Variants in ADAMTSL4 observed in about 807,000 individuals in gnomAD.
ADAMTSL4 encodes ADAMTS-like protein 4.
ADAMTSL4 carries 97 observed loss-of-function variants against 122.8 expected under a neutral mutation model. That is an observed-to-expected ratio of 0.79 (90% CI 0.67 to 0.93). The LOEUF is 0.93. Among genes scored for constraint, ADAMTSL4 ranks in the 40% least tolerant of loss-of-function variants. The pLI is 0.00. For missense variants in ADAMTSL4, 1,408 were observed against 1,453.5 expected (o/e 0.97, Z 0.51); for synonymous variants, 592 against 568.0 (o/e 1.04, Z -0.60).
chr1:150,559,768 GC>G lies in ADAMTSL4; in HGVS notation c.2952del (p.Ser985ProfsTer14), dbSNP rs1388569207. ...TGGCTGGGGTCGCCCCAGTGTTCTC[GC>G]TCCTGCCAAGGGGGAACGCAGACAC... ...WFSTPWSPCS[R>X]SCQGGTQTRE... On this transcript the variant is annotated frameshift_variant, in exon 18 of 19. Coordinates refer to ENST00000271643, the MANE Select transcript of ADAMTSL4 (RefSeq NM_019032.6). LOFTEE classifies it high-confidence loss of function. This position sits in a 1 kb window ranked among gnomAD's most constrained non-coding sequence, Gnocchi z 4.1. 5 of 1,613,866 alleles carry G rather than the reference GC, an allele frequency of 3.1e-6. No individual in the cohort carries two copies. Among genetic ancestry groups the G allele is most frequent in the Middle Eastern group, 1.6e-4 (1 of 6,062 alleles).
rs771318271 is a variant in ADAMTSL4, at chr1:150,559,394, CAGGCCCCCTGCCCTGCAGCCCTGTCA to C, written c.2875_2900del (p.Pro959AlafsTer54). 5 of 1,613,778 alleles carry C rather than the reference CAGGCCCCCTGCCCTGCAGCCCTGTCA, an allele frequency of 3.1e-6. No individual in the cohort carries two copies. The highest frequency in any genetic ancestry group is 4.2e-6 in the Non-Finnish European group (5 of 1,180,012). Reference sequence around the variant, plus strand: ...CTCCGAGCAACTGTTCTCACCTCCCCAGGCCCCCTGCCCTGCAGCCCTGTCAAGGGCAGGCCTGCCAGGACCGATGG... The same window carrying C: ...CTCCGAGCAACTGTTCTCACCTCCCCAGGGCAGGCCTGCCAGGACCGATGG... On this transcript the variant is annotated frameshift_variant, in exon 17 of 19. Transcript: ENST00000271643. LOFTEE classifies it high-confidence loss of function. This position sits in a 1 kb window ranked among gnomAD's most constrained non-coding sequence, Gnocchi z 4.1.
At position 150,554,780 on chromosome 1, in the gene ADAMTSL4, C is replaced by G; in HGVS notation, c.1234+313C>G. The G allele has an allele frequency of 7.4e-6, 7 of 952,338 alleles. No individual in the cohort carries two copies. Among genetic ancestry groups the G allele is most frequent in the Non-Finnish European group, 1.1e-5 (7 of 648,788 alleles). 59.0% of individuals were successfully genotyped at this position (952,338 alleles called of 1,614,324 possible). A position where few individuals can be genotyped will look rare whatever the true frequency, so the allele number is the denominator to read the frequency against. On this transcript the variant is annotated intron_variant, in intron 7 of 18. Coordinates refer to ENST00000271643, the MANE Select transcript of ADAMTSL4 (RefSeq NM_019032.6). This position sits in a 1 kb window ranked among gnomAD's most constrained non-coding sequence, Gnocchi z 4.0. ...TGGGAGAGATCCTGTCCAGCCGTGA[C>G]AGCCAGGTGGGGGTGTGCCACGCAT...
At position 150,554,314 on chromosome 1, in the gene ADAMTSL4, CT is replaced by C. The variant is rs1671772903; in HGVS notation, c.1132-50del. The C allele has an allele frequency of 7.0e-6, 11 of 1,576,608 alleles. 1 individual carries two copies. The Middle Eastern group carries it at 1.3e-3, about 193-fold the overall frequency. ...CTGCTCCCCAGGTTCAGCCCTGCCC[CT>C]ACCCTCATTTTGCTCCCCAGCTCTG... On this transcript the variant is annotated intron_variant, in intron 6 of 18. Transcript: ENST00000271643. The surrounding 1 kb of genome is among the most constrained non-coding windows in gnomAD (Gnocchi z 4.0).
In ADAMTSL4 at chr1:150,559,211, G is replaced by T. The variant is rs1672541313; in HGVS notation, c.2763+46G>T. 1 of 1,612,262 alleles carries T rather than the reference G, an allele frequency of 6.2e-7. No individual in the cohort carries two copies. The highest frequency in any genetic ancestry group is 1.3e-5 in the African/African-American group (1 of 74,884). ...GAGCAGGAAGGGGGTGCCAGTCCCA[G>T]TGGGATTCCTTGTGGGCACTTGGGG... On this transcript the variant is annotated intron_variant, in intron 16 of 18. Coordinates refer to ENST00000271643, the MANE Select transcript of ADAMTSL4 (RefSeq NM_019032.6). This position sits in a 1 kb window ranked among gnomAD's most constrained non-coding sequence, Gnocchi z 4.1.
At chr1:150,551,134 C>G (rs1199367252) in intron 2 of ADAMTSL4, 3 of 385,596 alleles carry the variant, frequency 7.8e-6, no homozygotes, top group East Asian at 1.5e-4. Flanking sequence ...GTGTTCAAAG[C>G]TGAACTTCAG....
chr1:150,553,366 TG>T, intron 5 of ADAMTSL4, 59 bp from the exon 6 acceptor site: 1 of 1,608,458 alleles, frequency 6.2e-7, no homozygotes, highest in Non-Finnish European at 8.5e-7. Context: ...GGAAGTAAAC[TG>T]GGGAAACAGG....
In ADAMTSL4 at chr1:150,556,484, G is replaced by A; in HGVS notation, c.1576+118G>A. ...TCCAGGGCCTAGCCCCTCCCCTCGT[G>A]GAAGGAGTGAGGAAGCTGAGAGGGC... On this transcript the variant is annotated intron_variant, in intron 9 of 18. Transcript: ENST00000271643. This position sits in a 1 kb window ranked among gnomAD's most constrained non-coding sequence, Gnocchi z 4.1. The A allele has an allele frequency of 2.6e-6, 4 of 1,565,860 alleles. No homozygotes were observed. Among genetic ancestry groups the A allele is most frequent in the Non-Finnish European group, 3.5e-6 (4 of 1,141,808 alleles).
chr1:150,552,790 G>T lies in ADAMTSL4; in HGVS notation c.79-108G>T. On this transcript the variant is annotated intron_variant, in intron 4 of 18. Transcript: ENST00000271643. This position sits in a 1 kb window ranked among gnomAD's most constrained non-coding sequence, Gnocchi z 4.0. The stretch of plus-strand genomic sequence containing the variant: ...TAGTTCTCCCTCTGCTGCTGAATGT[G>T]ACCTTGGACTGGTAGCGACTCCGTG... The T allele has an allele frequency of 7.5e-7, 1 of 1,341,288 alleles. No individual in the cohort carries two copies. The highest frequency in any genetic ancestry group is 1.1e-6 in the Non-Finnish European group (1 of 943,632). The allele number at this position is 1,341,288 out of a possible 1,614,324, so 83.1% of individuals were successfully genotyped here.
In ADAMTSL4 at chr1:150,552,747, C is replaced by A. The variant is rs1349014710; in HGVS notation, c.78+147C>A. On this transcript the variant is annotated intron_variant, in intron 4 of 18. Transcript: ENST00000271643. The surrounding 1 kb of genome is among the most constrained non-coding windows in gnomAD (Gnocchi z 4.0). ...AACTCCCCAGTTCCTTGCCTCATAA[C>A]ACCAAGAGGCCGAGGTGTAGTTCTC... 5 of 1,285,124 alleles carry A rather than the reference C, an allele frequency of 3.9e-6. No homozygotes were observed. Among genetic ancestry groups the A allele is most frequent in the Non-Finnish European group, 5.5e-6 (5 of 905,068 alleles). The allele number at this position is 1,285,124 out of a possible 1,614,324, so 79.6% of individuals were successfully genotyped here. A position where few individuals can be genotyped will look rare whatever the true frequency, so the allele number is the denominator to read the frequency against.
chr1:150,559,352 G>A lies in ADAMTSL4; in HGVS notation c.2829G>A (p.Thr943=), dbSNP rs76546607. The A allele has an allele frequency of 2.0e-3, 3,254 of 1,613,988 alleles. 9 individuals are homozygous for A. The highest frequency in any genetic ancestry group is 2.1e-3 in the Non-Finnish European group (2,493 of 1,179,994). ...RDIICVSKLG[T]EFNVTSPSNC... is the part of the protein sequence containing the mutation. ...TCATCTGTGTATCCAAACTGGGGAC[G>A]GAGTTCAACGTGACTTCTCCGAGCA... The change falls in exon 17 of 19, where the codon ACG becomes ACA. Residue 943 remains threonine, a synonymous_variant. Transcript: ENST00000271643. This position sits in a 1 kb window ranked among gnomAD's most constrained non-coding sequence, Gnocchi z 4.1.
Position 150,560,110 on chromosome 1 carries a change from C to G in ADAMTSL4, c.3139C>G (p.Arg1047Gly). The G allele has an allele frequency of 6.2e-7, 1 of 1,614,084 alleles. No individual in the cohort carries two copies. Among genetic ancestry groups the G allele is most frequent in the South Asian group, 1.1e-5 (1 of 91,080 alleles). Residue 1047 changes from arginine (R) to glycine (G), a missense_variant, in exon 19 of 19, where the codon CGG (arginine) becomes GGG (glycine). Physicochemically the swap from Arg to Gly is moderately radical, Grantham distance 125. Transcript: ENST00000271643. ...SPHCPLVVQA[R>G]LCVYPYYTAT... ...ACATTGCCCCCTGGTGGTACAGGCCCGGCTCTGCGTCTACCCCTACTACAC... is the reference window on the plus strand; with the variant it reads ...ACATTGCCCCCTGGTGGTACAGGCCGGGCTCTGCGTCTACCCCTACTACAC...
At position 150,552,492 on chromosome 1, in the gene ADAMTSL4, C is replaced by T. The variant is rs758984612; in HGVS notation, c.21-51C>T. Reference sequence around the variant, plus strand: ...CTGGGGGCGGAGGGCAGTGTTGCAACACCCCCTCTGGCTCCAGTCTGACGT... The same window carrying T: ...CTGGGGGCGGAGGGCAGTGTTGCAATACCCCCTCTGGCTCCAGTCTGACGT... On this transcript the variant is annotated intron_variant, in intron 3 of 18. Transcript: ENST00000271643. This position sits in a 1 kb window ranked among gnomAD's most constrained non-coding sequence, Gnocchi z 4.0. 8.2e-5 allele frequency: 132 copies of T among 1,611,340 alleles called. No individual in the cohort carries two copies. The highest frequency in any genetic ancestry group is 1.1e-4 in the Non-Finnish European group (128 of 1,177,652).
rs370147831 is a variant in ADAMTSL4 at position 150,557,250 on chromosome 1, G to A, written c.1962G>A (p.Pro654=). 4.8e-5 allele frequency: 62 copies of A among 1,285,656 alleles called. No homozygotes were observed. The highest frequency in any genetic ancestry group is 2.3e-4 in the Middle Eastern group (1 of 4,362). The allele number at this position is 1,285,656 out of a possible 1,614,324, so 79.6% of individuals were successfully genotyped here. ...RQVRIPQMPA[P]PHPRTPLGSP... is the part of the protein sequence containing the mutation. ...TGCGGATCCCCCAGATGCCCGCCCC[G>A]CCCCATCCCAGGACACCCCTGGGGT... The change falls in exon 12 of 19, where the codon CCG becomes CCA. Residue 654 remains proline, a synonymous_variant. Transcript: ENST00000271643.
At position 150,553,889 on chromosome 1, in the gene ADAMTSL4, G is replaced by C; in HGVS notation, c.898G>C (p.Asp300His). 6.2e-7 allele frequency: 1 copy of C among 1,613,900 alleles called. No individual in the cohort carries two copies. The highest frequency in any genetic ancestry group is 1.1e-5 in the South Asian group (1 of 91,074). The change falls in exon 6 of 19, where the codon GAT becomes CAT. Residue 300 changes from aspartate to histidine, a missense_variant. Physicochemically the swap from Asp to His is moderately conservative, Grantham distance 81. Transcript: ENST00000271643. ...ASPQVAGRRP[D>H]PFPSVPRGRG... ...TCCCCAGGTAGCAGGGAGACGCCCT[G>C]ATCCTTTTCCTTCGGTCCCTCGGGG... is the stretch of plus-strand genomic sequence containing the variant.
In ADAMTSL4 at chr1:150,557,635, G is replaced by C. The variant is rs1274741570; in HGVS notation, c.2177+12G>C. ...CCATGCCCCCCATAGTGAGTATGGG[G>C]GAGCCCACGGGGAGGGTTAGGGTAC... On this transcript the variant is annotated intron_variant, in intron 13 of 18. Coordinates refer to ENST00000271643, the MANE Select transcript of ADAMTSL4 (RefSeq NM_019032.6). 5 of 1,596,936 alleles carry C rather than the reference G, an allele frequency of 3.1e-6. No individual in the cohort carries two copies. Among genetic ancestry groups the C allele is most frequent in the Non-Finnish European group, 4.3e-6 (5 of 1,172,128 alleles).
intron 14 of ADAMTSL4, 149 bp downstream of exon 14, chr1:150,558,298 T>G: frequency 1.3e-6 from 2 of 1,512,598 alleles, no homozygotes; most frequent in Non-Finnish European, 1.8e-6. Flanking sequence ...GATAAGGGAC[T>G]GAACCAGGGA....
chr1:150,557,480 TC>T lies in ADAMTSL4; in HGVS notation c.2048-13del. ...TAGCCTCCTGCCTCCCTGGCTGCCT[TC>T]TCACCCACTCAGGTGTCTGGCGCCC... On this transcript the variant is annotated splice_polypyrimidine_tract_variant and intron_variant, in intron 12 of 18. Transcript: ENST00000271643. 5 of 1,613,122 alleles carry T rather than the reference TC, an allele frequency of 3.1e-6. No homozygotes were observed. Among genetic ancestry groups the T allele is most frequent in the Non-Finnish European group, 4.2e-6 (5 of 1,179,932 alleles).
At position 150,552,850 on chromosome 1, in the gene ADAMTSL4, A is replaced by G; in HGVS notation, c.79-48A>G. ...GTTGGTCTACATGGACACTCTGGAC[A>G]GTTCCCTCTAATCCTTCCAATTCTG... is the stretch of plus-strand genomic sequence containing the variant. On this transcript the variant is annotated intron_variant, in intron 4 of 18. Coordinates refer to ENST00000271643, the MANE Select transcript of ADAMTSL4 (RefSeq NM_019032.6). This position sits in a 1 kb window ranked among gnomAD's most constrained non-coding sequence, Gnocchi z 4.0. 1.4e-6 allele frequency: 2 copies of G among 1,446,052 alleles called. No homozygotes were observed. Among genetic ancestry groups the G allele is most frequent in the Non-Finnish European group, 1.9e-6 (2 of 1,033,782 alleles). 89.6% of individuals were successfully genotyped at this position (1,446,052 alleles called of 1,614,324 possible). A position where few individuals can be genotyped will look rare whatever the true frequency, so the allele number is the denominator to read the frequency against.
Position 150,557,278 on chromosome 1 carries a change from C to G in ADAMTSL4, c.1990C>G (p.Pro664Ala). ...PPHPRTPLGSPAAYWKRVGHS... is the reference protein window; with the variant it reads ...PPHPRTPLGSAAAYWKRVGHS... ...CCATCCCAGGACACCCCTGGGGTCTCCAGCTGCGTACTGGAAACGAGTGGG... is the reference window on the plus strand; with the variant it reads ...CCATCCCAGGACACCCCTGGGGTCTGCAGCTGCGTACTGGAAACGAGTGGG... The change falls in exon 12 of 19, where the codon CCA (proline) becomes GCA (alanine). Residue 664 changes from proline (P) to alanine (A), a missense_variant. By Grantham distance (27) the Pro-to-Ala change is conservative. Coordinates refer to ENST00000271643, the MANE Select transcript of ADAMTSL4 (RefSeq NM_019032.6). 6.2e-7 allele frequency: 1 copy of G among 1,612,154 alleles called. No homozygotes were observed.
Sources: allele counts gnomAD v4.1 joint callset, GRCh38; gene constraint gnomAD v4.1.1; non-coding constraint Gnocchi (gnomAD v3.1); transcripts MANE v1.5; gene names NCBI Gene and HGNC (gene_info 2026-07-23, HGNC 2026-07-21).